ODAD2: variants seen among roughly 807,000 people sequenced by gnomAD.
ODAD2 encodes the protein outer dynein arm-docking complex subunit 2.
In ODAD2, 89 loss-of-function variants were observed where a neutral mutation model predicts 106.8. That is an observed-to-expected ratio of 0.83 (90% confidence interval 0.70 to 0.99). The LOEUF (loss-of-function observed/expected upper bound fraction) is 0.99, where lower values mean the gene tolerates loss of function less well. ODAD2 is among the 50% of genes least tolerant of loss of function. The pLI is 0.00. For synonymous variants in ODAD2, 404 were observed against 436.2 expected, an observed-to-expected ratio of 0.93 and a Z score of 0.92; for missense variants, 1,168 against 1,238.5, an observed-to-expected ratio of 0.94 and a Z score of 0.85.
intron 3 of ODAD2, among the ~76,000 whole-genome samples, chr10:27,986,643 T>C (rs745673684): frequency 2.0e-5 from 3 of 152,206 alleles, no homozygotes; most frequent in Admixed American, 6.5e-5. Flanking sequence ...AAATACCTTG[T>C]GCCAGAAACC....
intron 19 of ODAD2, among the ~76,000 whole-genome samples, chr10:27,834,588 T>C (rs906517713): frequency 6.6e-6 from 1 of 151,748 alleles, no homozygotes; most frequent in African/African-American, 2.4e-5. Context: ...GGAAGGATGG[T>C]GGGGGCAAGG....
intron 17 of ODAD2, among the ~76,000 whole-genome samples, chr10:27,885,795 T>TAAA (rs1564466751): frequency 3.2e-5 from 2 of 62,048 alleles, no homozygotes; most frequent in African/African-American, 6.2e-5. Flanking sequence ...TTATATATAA[T>TAAA]ATATATAAAA....
In ODAD2 at chr10:27,918,696, A is replaced by G. The variant is rs141877972; in HGVS notation, c.2496-10919T>C. Among the ~76,000 whole-genome samples, 14 of 152,044 alleles carry G rather than the reference A, an allele frequency of 9.2e-5. No homozygotes were observed. In the East Asian group the frequency reaches 2.5e-3, roughly 27 times the overall value. On this transcript the variant is annotated intron_variant, in intron 16 of 19. Coordinates refer to ENST00000305242, the MANE Select transcript of ODAD2 (RefSeq NM_018076.5). ...ACAGAGGTCTTGGCCTGCCTAATAA[A>G]GCACACACAAAAAAGAAATAACAGA...
chr10:27,937,348 T>C (rs1846064726), intron 14 of ODAD2, among the ~76,000 whole-genome samples: 1 of 150,270 alleles, frequency 6.7e-6, no homozygotes, highest in Non-Finnish European at 1.5e-5. Context: ...TCTTTTTTTT[T>C]TTTTTTTGAG....
At chr10:27,941,922 T>G (rs1467151338) in intron 12 of ODAD2, among the ~76,000 whole-genome samples, 4 of 152,122 alleles carry the variant, frequency 2.6e-5, no homozygotes, top group African/African-American at 9.7e-5. Flanking sequence ...AATTCCAAGT[T>G]CCTGGGAGAG....
intron 16 of ODAD2, among the ~76,000 whole-genome samples, chr10:27,927,748 C>T (rs1564513252): frequency 6.6e-6 from 1 of 152,074 alleles, no homozygotes; most frequent in Non-Finnish European, 1.5e-5. Flanking sequence ...GTTCCCCGCT[C>T]AACTCTCTGG....
chr10:27,949,846 G>T (rs751223362), intron 10 of ODAD2, among the ~76,000 whole-genome samples: 3 of 152,098 alleles, frequency 2.0e-5, no homozygotes, highest in Admixed American at 2.0e-4. Context: ...GACTCATCAC[G>T]AACCATAAAG....
chr10:27,941,596 G>GTTTTGT (rs1554816097), intron 12 of ODAD2, among the ~76,000 whole-genome samples: 1 of 114,934 alleles, frequency 8.7e-6, no homozygotes, highest in East Asian at 2.8e-4. Context: ...CCAGCATCCA[G>GTTTTGT]TTTTTTTTTT....
chr10:27,953,670 G>T (rs184448656), intron 10 of ODAD2, among the ~76,000 whole-genome samples: 4 of 152,118 alleles, frequency 2.6e-5, no homozygotes. Flanking sequence ...AATATAAAAA[G>T]CAAAATGTAG....
At chr10:27,845,805 A>G (rs937654134) in intron 19 of ODAD2, among the ~76,000 whole-genome samples, 2 of 152,352 alleles carry the variant, frequency 1.3e-5, no homozygotes, top group Middle Eastern at 6.8e-3. Context: ...TTAAACCAAC[A>G]AATATCAAAA....
intron 19 of ODAD2, among the ~76,000 whole-genome samples, chr10:27,820,915 A>G (rs1277483903): frequency 5.3e-5 from 8 of 151,436 alleles, no homozygotes; most frequent in Admixed American, 5.3e-4. Context: ...CTGAGTAGCT[A>G]AGATTACAGG....
chr10:27,981,187 T>C (rs1300922227), intron 7 of ODAD2, among the ~76,000 whole-genome samples: 1 of 152,120 alleles, frequency 6.6e-6, no homozygotes. Flanking sequence ...GGGGAATTAT[T>C]GCTTAATGGG....
chr10:27,890,984 G>A (rs895656059), intron 17 of ODAD2, among the ~76,000 whole-genome samples: 10 of 152,106 alleles, frequency 6.6e-5, no homozygotes, highest in Admixed American at 5.2e-4. Context: ...GTCATACAGC[G>A]ATATATTCGA....
At chr10:27,974,542 G>T (rs1849063944) in intron 7 of ODAD2, among the ~76,000 whole-genome samples, 1 of 152,112 alleles carries the variant, frequency 6.6e-6, no homozygotes, top group South Asian at 2.1e-4. Context: ...GGTTGTAGGT[G>T]TGCAGCCTTG....
intron 8 of ODAD2, 151 bp downstream of exon 8, chr10:27,970,957 G>C: frequency 3.3e-6 from 1 of 302,692 alleles, no homozygotes; most frequent in Admixed American, 5.4e-5. Context: ...GGGCAACAGA[G>C]CAAGACTCCA....
intron 3 of ODAD2, among the ~76,000 whole-genome samples, chr10:27,985,905 G>A (rs1849848899): frequency 6.6e-6 from 1 of 152,030 alleles, no homozygotes; most frequent in African/African-American, 2.4e-5. Context: ...TTTGGTTAAT[G>A]TCAAAAACCA....
intron 3 of ODAD2, among the ~76,000 whole-genome samples, chr10:27,986,927 G>T (rs11006793): frequency 0.024 from 3,690 of 152,322 alleles, 156 homozygotes; most frequent in African/African-American, 0.082. Context: ...ACTATTAAAG[G>T]CTGTCTCTGC....
chr10:27,927,224 T>A (rs1845316823), intron 16 of ODAD2, among the ~76,000 whole-genome samples: 1 of 152,164 alleles, frequency 6.6e-6, no homozygotes, highest in Admixed American at 6.6e-5. Context: ...AGAGGTGCTA[T>A]GAATTCTACT....
chr10:27,869,470 G>T (rs1398876794), intron 17 of ODAD2, among the ~76,000 whole-genome samples: 3 of 150,160 alleles, frequency 2.0e-5, no homozygotes, highest in African/African-American at 7.3e-5. Flanking sequence ...TACAACTTCT[G>T]GACTTAAAAA....
Sources: gnomAD v4.1 joint callset for allele counts (sites outside exome capture counted in the v4.1 genomes callset) on GRCh38, gnomAD v4.1.1 for gene constraint, MANE v1.5 for transcripts, NCBI Gene and HGNC (gene_info 2026-07-23, HGNC 2026-07-21) for gene names.